NETO2: variants seen among roughly 807,000 people sequenced by gnomAD.
NETO2 encodes the protein neuropilin and tolloid like 2, also known as neuropilin and tolloid-like protein 2.
A neutral mutation model predicts 62.5 loss-of-function variants in NETO2; 28 were observed. The observed-to-expected ratio is 0.45, with a 90% CI of 0.33 to 0.61. NETO2 has a LOEUF of 0.61. NETO2 is among the 20% of genes least tolerant of loss of function. The pLI, the probability that NETO2 is intolerant of heterozygous loss-of-function variation, is 0.02. For synonymous variants in NETO2, 214 were observed against 219.1 expected (o/e 0.98, Z 0.21); for missense variants, 548 against 643.2 (o/e 0.85, Z 1.60).
At chr16:47,131,874 G>T in intron 2 of NETO2, 95 bp downstream of exon 2, 1 of 991,790 alleles carries the variant, frequency 1.0e-6, no homozygotes, top group Non-Finnish European at 1.6e-6. Context: ...CACCCCAAAG[G>T]GATTATGAAA....
chr16:47,107,342 T>TG lies in NETO2; in HGVS notation c.883+2140dup, dbSNP rs200060216. 1.4e-3 allele frequency among the ~76,000 whole-genome samples: 210 copies of TG among 152,094 alleles called. 2 individuals carry two copies. The East Asian group carries it at 0.026, about 19-fold the overall frequency. ...AAACAATGTACAGACACCATGATGT[T>TG]GGGGGGGTGCACAAAATGAAATATA... is the stretch of plus-strand genomic sequence containing the variant. On this transcript the variant is annotated intron_variant, in intron 7 of 8. Transcript: ENST00000562435.
chr16:47,117,491 CA>C (rs560268986), intron 6 of NETO2, among the ~76,000 whole-genome samples: 1 of 152,178 alleles, frequency 6.6e-6, no homozygotes, highest in African/African-American at 2.4e-5. Flanking sequence ...TTAAATAACA[CA>C]AACGTTAGGC....
intron 1 of NETO2, among the ~76,000 whole-genome samples, chr16:47,138,982 T>A (rs751598361): frequency 3.3e-5 from 5 of 152,246 alleles, no homozygotes; most frequent in African/African-American, 4.8e-5. Context: ...TCAGGTCTTG[T>A]GAGGCTTTCC....
At chr16:47,143,124 C>T (rs1320773176) in intron 1 of NETO2, among the ~76,000 whole-genome samples, 1 of 152,108 alleles carries the variant, frequency 6.6e-6, no homozygotes, top group Non-Finnish European at 1.5e-5. Flanking sequence ...TCGAAAACCA[C>T]TGCACGACGT....
chr16:47,110,773 A>C (rs1257502600), intron 6 of NETO2, among the ~76,000 whole-genome samples: 2 of 152,130 alleles, frequency 1.3e-5, no homozygotes, highest in Admixed American at 6.5e-5. Context: ...ATTCGAAGAG[A>C]TTAATAAAAC....
At chr16:47,121,422 C>A (rs897207919) in intron 6 of NETO2, among the ~76,000 whole-genome samples, 12 of 152,170 alleles carry the variant, frequency 7.9e-5, no homozygotes, top group African/African-American at 2.9e-4. Flanking sequence ...ACCATTCTGT[C>A]AGTCTTTGGA....
At chr16:47,104,864 C>T (rs1235231889) in intron 7 of NETO2, among the ~76,000 whole-genome samples, 4 of 151,546 alleles carry the variant, frequency 2.6e-5, no homozygotes, top group East Asian at 3.9e-4. Context: ...GGATTACAGG[C>T]GTGTGCCACC....
intron 6 of NETO2, among the ~76,000 whole-genome samples, chr16:47,117,568 C>T (rs1156374412): frequency 6.6e-6 from 1 of 152,146 alleles, no homozygotes; most frequent in Non-Finnish European, 1.5e-5. Flanking sequence ...CTCTGTACTT[C>T]TGATTGGATA....
At chr16:47,088,957 C>A (rs1963255351) in intron 7 of NETO2, among the ~76,000 whole-genome samples, 1 of 152,192 alleles carries the variant, frequency 6.6e-6, no homozygotes, top group Non-Finnish European at 1.5e-5. Context: ...AATTGCTTTG[C>A]TATTAAGAGT....
chr16:47,135,172 G>A (rs528514064), intron 1 of NETO2, among the ~76,000 whole-genome samples: 2 of 152,272 alleles, frequency 1.3e-5, no homozygotes, highest in African/African-American at 4.8e-5. Flanking sequence ...CAAGGTCTTT[G>A]TACACTGCTT....
chr16:47,089,084 C>T (rs1963257670), intron 7 of NETO2, among the ~76,000 whole-genome samples: 1 of 152,296 alleles, frequency 6.6e-6, no homozygotes, highest in South Asian at 2.1e-4. Context: ...ATCCCTTCCC[C>T]CTCCTCACTG....
chr16:47,137,574 C>T (rs894898040), intron 1 of NETO2, among the ~76,000 whole-genome samples: 1 of 152,154 alleles, frequency 6.6e-6, no homozygotes, highest in Non-Finnish European at 1.5e-5. Context: ...CTTATAAGGG[C>T]TCCAACAAAT....
chr16:47,114,742 G>A (rs774920828), intron 6 of NETO2, among the ~76,000 whole-genome samples: 4 of 151,872 alleles, frequency 2.6e-5, no homozygotes, highest in South Asian at 4.2e-4. Flanking sequence ...GAGCCACCGC[G>A]CCCAGCCTGA....
intron 7 of NETO2, among the ~76,000 whole-genome samples, chr16:47,106,909 G>A (rs1467273347): frequency 6.6e-6 from 1 of 151,824 alleles, no homozygotes; most frequent in Non-Finnish European, 1.5e-5. Context: ...ACCCTGCCCA[G>A]TAGATGGAAT....
At chr16:47,084,214 A>G (rs1240697130) in intron 8 of NETO2, among the ~76,000 whole-genome samples, 1 of 152,226 alleles carries the variant, frequency 6.6e-6, no homozygotes, top group Admixed American at 6.5e-5. Flanking sequence ...GCAAACTAAC[A>G]TCATCAGACT....
chr16:47,126,497 C>G (rs562725092), intron 4 of NETO2, among the ~76,000 whole-genome samples: 1 of 152,100 alleles, frequency 6.6e-6, no homozygotes, highest in Admixed American at 6.5e-5. Flanking sequence ...ACAGGCAGAG[C>G]ACGGGGCACT....
intron 6 of NETO2, among the ~76,000 whole-genome samples, chr16:47,115,700 T>TATATATATATATATATAC (rs1567391520): frequency 2.2e-5 from 3 of 136,614 alleles, no homozygotes; most frequent in African/African-American, 9.4e-5. Context: ...CTAATTTTTA[T>TATATATATATATATATAC]ATATATATAT....
At chr16:47,142,873 G>C (rs924834676) in intron 1 of NETO2, among the ~76,000 whole-genome samples, 1 of 152,216 alleles carries the variant, frequency 6.6e-6, no homozygotes, top group Admixed American at 6.5e-5. Flanking sequence ...AAATTAGTAA[G>C]AACCGAACAC....
intron 7 of NETO2, among the ~76,000 whole-genome samples, chr16:47,095,189 C>T (rs1000865866): frequency 4.6e-5 from 7 of 151,800 alleles, no homozygotes; most frequent in African/African-American, 1.7e-4. Flanking sequence ...CCATAGTAAC[C>T]ATAAGAACAT....
Sources: allele counts gnomAD v4.1 joint callset (sites outside exome capture counted in the v4.1 genomes callset), GRCh38; gene constraint gnomAD v4.1.1; transcripts MANE v1.5; gene names NCBI Gene and HGNC (gene_info 2026-07-23, HGNC 2026-07-21).